CRYM: variants seen among roughly 807,000 people sequenced by gnomAD.
CRYM encodes crystallin mu.
A neutral mutation model predicts 32.9 loss-of-function variants in CRYM; 18 were observed. That is an observed-to-expected ratio of 0.55 (90% confidence interval 0.38 to 0.81). The LOEUF (loss-of-function observed/expected upper bound fraction) is 0.81, where lower values mean the gene tolerates loss of function less well. Ranked by LOEUF, CRYM falls within the 30% of genes least tolerant of loss-of-function variation. CRYM has a pLI of 0.00. For missense variants in CRYM, 337 were observed against 393.5 expected (o/e 0.86, Z 1.21); for synonymous variants, 153 against 152.4 (o/e 1.00, Z -0.03).
intron 1 of CRYM, among the ~76,000 whole-genome samples, chr16:21,292,727 A>AGCTG (rs1555465390): frequency 7.0e-6 from 1 of 143,692 alleles, no homozygotes; most frequent in Non-Finnish European, 1.5e-5. Flanking sequence ...CATAGATGAC[A>AGCTG]GATGGATGGA....
At chr16:21,291,206 G>A (rs2152865014) in intron 1 of CRYM, among the ~76,000 whole-genome samples, 1 of 152,130 alleles carries the variant, frequency 6.6e-6, no homozygotes, top group South Asian at 2.1e-4. Context: ...AAAACTTTCT[G>A]CTTGATTCAT....
intron 4 of CRYM, 125 bp from the exon 5 acceptor site, chr16:21,267,862 C>T: frequency 2.3e-6 from 2 of 882,746 alleles, no homozygotes; most frequent in Non-Finnish European, 3.7e-6. Context: ...ATCTAAATCA[C>T]TCCTAAATCA....
At chr16:21,261,038 C>T in intron 7 of CRYM, 1 of 616,366 alleles carries the variant, frequency 1.6e-6, no homozygotes, top group Non-Finnish European at 2.9e-6. Flanking sequence ...CTAAGGACAC[C>T]TGCCTTTGAG....
intron 1 of CRYM, among the ~76,000 whole-genome samples, chr16:21,301,974 C>A (rs982399799): frequency 3.3e-5 from 5 of 152,226 alleles, no homozygotes; most frequent in Non-Finnish European, 7.3e-5. Context: ...GGGAGGCCCA[C>A]CCGCTAGCCG....
At chr16:21,273,213 T>G (rs2093379696) in intron 3 of CRYM, among the ~76,000 whole-genome samples, 1 of 152,186 alleles carries the variant, frequency 6.6e-6, no homozygotes, top group Admixed American at 6.5e-5. Flanking sequence ...AAATGTATTA[T>G]GTTCATCAGA....
intron 1 of CRYM, among the ~76,000 whole-genome samples, chr16:21,291,485 A>G (rs1490903126): frequency 1.3e-5 from 2 of 152,124 alleles, no homozygotes; most frequent in African/African-American, 2.4e-5. Context: ...TAAACCTTAC[A>G]CAATGTAAAA....
At chr16:21,267,485 G>A (rs901317218) in intron 5 of CRYM, 69 bp downstream of exon 5, 3 of 1,519,150 alleles carry the variant, frequency 2.0e-6, no homozygotes, top group African/African-American at 2.7e-5. Flanking sequence ...TGCAAATGTA[G>A]TCGACTGGTC....
intron 1 of CRYM, chr16:21,300,782 G>A (rs577565257): frequency 2.0e-5 from 3 of 152,410 alleles, no homozygotes; most frequent in East Asian, 1.9e-4. Context: ...GCATTGCAGG[G>A]AAGAGTGAAT....
chr16:21,261,234 C>T lies in CRYM; in HGVS notation c.880+20G>A. The T allele has an allele frequency of 4.4e-6, 7 of 1,601,486 alleles. No homozygotes were observed. The highest frequency in any genetic ancestry group is 5.1e-6 in the Non-Finnish European group (6 of 1,168,978). On this transcript the variant is annotated intron_variant, in intron 7 of 7. Coordinates refer to ENST00000572914, the MANE Select transcript of CRYM (RefSeq NM_001376256.1). ...CTTGTGCGCTAGTTGGATTTGTGCC[C>T]AGGGAGCAATGGATCTTACCCAAAG...
chr16:21,280,311 T>C (rs752887904), upstream of CRYM, among the ~76,000 whole-genome samples: 3 of 152,112 alleles, frequency 2.0e-5, no homozygotes, highest in Non-Finnish European at 4.4e-5. Flanking sequence ...ACCCGGGAGA[T>C]GGAGGCTGCA....
intron 6 of CRYM, chr16:21,261,794 C>CA: frequency 3.9e-6 from 2 of 519,168 alleles, no homozygotes; most frequent in Admixed American, 3.2e-5. Flanking sequence ...GACAGCCCAG[C>CA]AAAAAAATAA....
intron 7 of CRYM, among the ~76,000 whole-genome samples, chr16:21,259,187 C>T (rs1399579239): frequency 6.6e-6 from 1 of 151,900 alleles, no homozygotes; most frequent in Non-Finnish European, 1.5e-5. Flanking sequence ...CAAACTCTGC[C>T]TCCCAGGATC....
intron 7 of CRYM, among the ~76,000 whole-genome samples, chr16:21,259,574 C>T (rs1357352217): frequency 6.6e-6 from 1 of 152,152 alleles, no homozygotes; most frequent in Non-Finnish European, 1.5e-5. Context: ...ATTGATGGGA[C>T]TGAAGCTTGA....
intron 1 of CRYM, among the ~76,000 whole-genome samples, chr16:21,287,962 G>A (rs1416999273): frequency 6.6e-6 from 1 of 152,190 alleles, no homozygotes; most frequent in East Asian, 1.9e-4. Flanking sequence ...CCTATTTGTG[G>A]CTGTGTCTAA....
At chr16:21,294,613 T>G (rs1960746738) in intron 1 of CRYM, among the ~76,000 whole-genome samples, 1 of 152,048 alleles carries the variant, frequency 6.6e-6, no homozygotes, top group Non-Finnish European at 1.5e-5. Flanking sequence ...TTCGGTTTTC[T>G]GTTCCTGTGT....
chr16:21,267,429 C>G (rs536311393), intron 5 of CRYM, 125 bp downstream of exon 5: 9 of 1,013,180 alleles, frequency 8.9e-6, no homozygotes, highest in Middle Eastern at 3.0e-4. Context: ...CACATGTTTT[C>G]AAGGCCCTTA....
At chr16:21,259,219 C>G (rs894634283) in intron 7 of CRYM, among the ~76,000 whole-genome samples, 1 of 151,958 alleles carries the variant, frequency 6.6e-6, no homozygotes, top group Non-Finnish European at 1.5e-5. Flanking sequence ...CTGCCTCAGC[C>G]TCCTGAGTAG....
At chr16:21,267,503 G>A in intron 5 of CRYM, 51 bp downstream of exon 5, 1 of 1,589,284 alleles carries the variant, frequency 6.3e-7, no homozygotes, top group Non-Finnish European at 8.6e-7. Flanking sequence ...GTCCCGTCTA[G>A]AGAGGAGCCT....
intron 1 of CRYM, among the ~76,000 whole-genome samples, chr16:21,284,350 T>C (rs2093403941): frequency 6.6e-6 from 1 of 152,092 alleles, no homozygotes; most frequent in African/African-American, 2.4e-5. Context: ...TTTCACCTTT[T>C]TTACCCTTCA....
Sources: allele counts gnomAD v4.1 joint callset (sites outside exome capture counted in the v4.1 genomes callset), GRCh38; gene constraint gnomAD v4.1.1; transcripts MANE v1.5; gene names NCBI Gene and HGNC (gene_info 2026-07-23, HGNC 2026-07-21).